Variants in SYT1 observed in about 807,000 individuals in gnomAD.
SYT1 encodes synaptotagmin-1.
A neutral mutation model predicts 44.8 loss-of-function variants in SYT1; 8 were observed. The ratio of observed to expected loss-of-function variants is 0.18; its 90% confidence interval spans 0.10 to 0.32. The LOEUF (loss-of-function observed/expected upper bound fraction) is 0.32. SYT1 is among the 10% of genes least tolerant of loss of function. The pLI is 1.00. For synonymous variants in SYT1, 154 were observed against 188.8 expected (o/e 0.82, Z 1.51); for missense variants, 286 against 509.3 (o/e 0.56, Z 4.22).
chr12:79,379,054 A>G (rs948214756), intron 9 of SYT1, among the ~76,000 whole-genome samples: 1 of 152,152 alleles, frequency 6.6e-6, no homozygotes, highest in Non-Finnish European at 1.5e-5. Flanking sequence ...AAAATCTTCC[A>G]TAGTAATTTC....
At chr12:78,962,333 T>C (rs1879550240) in intron 1 of SYT1, among the ~76,000 whole-genome samples, 1 of 81,308 alleles carries the variant, frequency 1.2e-5, no homozygotes, top group Admixed American at 1.1e-4. Flanking sequence ...GCATTCTTTC[T>C]TTTTTTTTTT....
chr12:79,439,469 T>G (rs146757970), intron 9 of SYT1, among the ~76,000 whole-genome samples: 540 of 152,236 alleles, frequency 3.5e-3, no homozygotes, highest in African/African-American at 0.012. Context: ...AATAAATTGG[T>G]ACTGGGATAG....
intron 3 of SYT1, among the ~76,000 whole-genome samples, chr12:79,214,348 C>T (rs970725148): frequency 7.9e-5 from 12 of 151,988 alleles, no homozygotes; most frequent in Non-Finnish European, 1.6e-4. Flanking sequence ...CTGATGAACA[C>T]CTTCCAAGGG....
At chr12:79,200,470 G>A (rs927047732) in intron 3 of SYT1, among the ~76,000 whole-genome samples, 3 of 152,100 alleles carry the variant, frequency 2.0e-5, no homozygotes, top group African/African-American at 7.2e-5. Flanking sequence ...ACAGGGTGTA[G>A]GAGCAAACAA....
intron 3 of SYT1, among the ~76,000 whole-genome samples, chr12:79,150,588 T>C (rs2138257928): frequency 6.6e-6 from 1 of 152,262 alleles, no homozygotes; most frequent in South Asian, 2.1e-4. Context: ...CATTTTTAAA[T>C]GGGCACTGAA....
chr12:78,995,606 A>G (rs1870324112), intron 2 of SYT1, among the ~76,000 whole-genome samples: 1 of 152,246 alleles, frequency 6.6e-6, no homozygotes, highest in Non-Finnish European at 1.5e-5. Context: ...TTTCGCCAGC[A>G]TATCTTAGAA....
At chr12:79,039,427 T>C (rs1361225001) in intron 2 of SYT1, among the ~76,000 whole-genome samples, 1 of 151,994 alleles carries the variant, frequency 6.6e-6, no homozygotes, top group Non-Finnish European at 1.5e-5. Flanking sequence ...TGATGGAAGG[T>C]GCAAAATAAT....
intron 8 of SYT1, among the ~76,000 whole-genome samples, chr12:79,347,445 C>G (rs1331742744): frequency 6.6e-6 from 1 of 152,142 alleles, no homozygotes; most frequent in Non-Finnish European, 1.5e-5. Flanking sequence ...CTCCAGAGTT[C>G]CCCATAGAAT....
At chr12:79,372,696 A>G (rs561314502) in intron 9 of SYT1, among the ~76,000 whole-genome samples, 1 of 152,316 alleles carries the variant, frequency 6.6e-6, no homozygotes, top group African/African-American at 2.4e-5. Context: ...AGGATTCCCC[A>G]ACAAGTAGAT....
chr12:79,276,771 A>G (rs1304600575), intron 4 of SYT1, among the ~76,000 whole-genome samples: 1 of 152,024 alleles, frequency 6.6e-6, no homozygotes, highest in Non-Finnish European at 1.5e-5. Flanking sequence ...AACTAGACCA[A>G]GCAGATGAAA....
intron 3 of SYT1, among the ~76,000 whole-genome samples, chr12:79,191,444 G>A (rs1873118841): frequency 1.3e-5 from 2 of 152,114 alleles, no homozygotes; most frequent in African/African-American, 4.8e-5. Context: ...AGTACATGAA[G>A]AGCCTTGGGA....
At chr12:78,881,645 T>C (rs1163540936) in intron 1 of SYT1, among the ~76,000 whole-genome samples, 2 of 151,786 alleles carry the variant, frequency 1.3e-5, no homozygotes, top group Non-Finnish European at 1.5e-5. Context: ...TAGCCATTTA[T>C]GCTTTGGGGA....
At chr12:79,035,787 A>T (rs1873091545) in intron 2 of SYT1, among the ~76,000 whole-genome samples, 1 of 151,750 alleles carries the variant, frequency 6.6e-6, no homozygotes, top group African/African-American at 2.4e-5. Context: ...ACTGGCAAGG[A>T]AACTTGAAGC....
At chr12:78,994,012 T>C (rs1246720213) in intron 2 of SYT1, among the ~76,000 whole-genome samples, 2 of 152,230 alleles carry the variant, frequency 1.3e-5, no homozygotes, top group African/African-American at 4.8e-5. Flanking sequence ...AAAGTTGTGT[T>C]TCCATTGCCT....
At chr12:79,289,414 T>G (rs1279475072) in intron 5 of SYT1, among the ~76,000 whole-genome samples, 1 of 152,182 alleles carries the variant, frequency 6.6e-6, no homozygotes, top group East Asian at 1.9e-4. Context: ...ATGTCTTGCT[T>G]AAGCTCAGCC....
At chr12:79,042,279 A>C (rs1215232860) in intron 2 of SYT1, among the ~76,000 whole-genome samples, 2 of 151,044 alleles carry the variant, frequency 1.3e-5, no homozygotes, top group African/African-American at 4.8e-5. Flanking sequence ...TTGGTAAGCT[A>C]TTGATTATTG....
At chr12:79,029,477 T>C (rs1428929017) in intron 2 of SYT1, among the ~76,000 whole-genome samples, 1 of 151,138 alleles carries the variant, frequency 6.6e-6, no homozygotes, top group Admixed American at 6.6e-5. Context: ...AAATAAAACG[T>C]GAAGCCAAAC....
chr12:79,135,697 C>T (rs926211475), intron 3 of SYT1, among the ~76,000 whole-genome samples: 1 of 152,078 alleles, frequency 6.6e-6, no homozygotes, highest in South Asian at 2.1e-4. Context: ...ATCTTGCTTT[C>T]GATAGTAAAA....
At chr12:79,283,012 C>A (rs921417418) in intron 4 of SYT1, among the ~76,000 whole-genome samples, 5 of 151,970 alleles carry the variant, frequency 3.3e-5, no homozygotes, top group African/African-American at 4.8e-5. Context: ...AGTAAACTTG[C>A]CAAATTTTAA....
Sources: gnomAD v4.1 joint callset for allele counts (sites outside exome capture counted in the v4.1 genomes callset) on GRCh38, gnomAD v4.1.1 for gene constraint, MANE v1.5 for transcripts, NCBI Gene and HGNC (gene_info 2026-07-23, HGNC 2026-07-21) for gene names.